The following ADAMTS8 variants were observed in gnomAD, a reference collection of about 807,000 sequenced individuals.
ADAMTS8 encodes ADAM metallopeptidase with thrombospondin type 1 motif 8.
In ADAMTS8, 50 loss-of-function variants were observed where a neutral mutation model predicts 64.4. That is an observed-to-expected ratio of 0.78 (90% CI 0.62 to 0.98). The LOEUF (loss-of-function observed/expected upper bound fraction) is 0.98. Among genes scored for constraint, ADAMTS8 ranks in the 50% least tolerant of loss-of-function variants. The pLI is 0.00. For missense variants in ADAMTS8, 1,192 were observed against 1,208.2 expected (o/e 0.99, Z 0.20); for synonymous variants, 556 against 533.6 (o/e 1.04, Z -0.58).
Position 130,428,329 on chromosome 11 carries a change from C to G in ADAMTS8, c.-43G>C. On this transcript the variant is annotated 5_prime_UTR_variant, in exon 1 of 9. Transcript: ENST00000257359. ...CTGCGCGCAGGAGAGGGAAGAAGCCCGCCAGGCGCGGGCAGGTGCTGGCGG... is the reference window on the plus strand; with the variant it reads ...CTGCGCGCAGGAGAGGGAAGAAGCCGGCCAGGCGCGGGCAGGTGCTGGCGG... The G allele has an allele frequency of 7.9e-7, 1 of 1,260,474 alleles. No homozygotes were observed. Among genetic ancestry groups the G allele is most frequent in the Non-Finnish European group, 1.0e-6 (1 of 993,554 alleles). 78.1% of individuals were successfully genotyped at this position (1,260,474 alleles called of 1,614,324 possible).
intron 1 of ADAMTS8, among the ~76,000 whole-genome samples, chr11:130,422,156 C>T (rs111756153): frequency 2.2e-4 from 34 of 152,240 alleles, no homozygotes; most frequent in African/African-American, 7.7e-4. Context: ...AGATGAACAT[C>T]AGGCCAGTCA....
At chr11:130,418,969 G>C in intron 2 of ADAMTS8, 84 bp downstream of exon 2, 1 of 1,586,244 alleles carries the variant, frequency 6.3e-7, no homozygotes, top group South Asian at 1.1e-5. Flanking sequence ...CGTTTCCCAT[G>C]TTTGGGCAGG....
At chr11:130,406,182 A>G (rs7930976) in intron 8 of ADAMTS8, 54 bp from the exon 9 acceptor site, 130,777 of 1,554,676 alleles carry the variant, frequency 0.084, 6,928 homozygotes, top group African/African-American at 0.21. Context: ...AGCCCAGGTC[A>G]CGATGATGCC....
At chr11:130,422,599 G>GAGA (rs998293639) in intron 1 of ADAMTS8, among the ~76,000 whole-genome samples, 19 of 152,306 alleles carry the variant, frequency 1.2e-4, no homozygotes, top group African/African-American at 4.3e-4. Flanking sequence ...TGGGGGTGTG[G>GAGA]AGATGGAGAA....
At position 130,416,823 on chromosome 11, in the gene ADAMTS8, TAGG is replaced by T; in HGVS notation, c.1096+114_1096+116del. 6.7e-7 allele frequency: 1 copy of T among 1,490,860 alleles called. No homozygotes were observed. The highest frequency in any genetic ancestry group is 9.2e-7 in the Non-Finnish European group (1 of 1,089,198). 92.4% of individuals were successfully genotyped at this position (1,490,860 alleles called of 1,614,324 possible). A position where few individuals can be genotyped will look rare whatever the true frequency, so the allele number is the denominator to read the frequency against. ...TTGTATACAGTCACCCTGTCAAAAT[TAGG>T]AGGAGCTATTCCTAAGCAAGGGCCG... is the stretch of plus-strand genomic sequence containing the variant. On this transcript the variant is annotated intron_variant, in intron 3 of 8. Transcript: ENST00000257359. This position sits in a 1 kb window ranked among gnomAD's most constrained non-coding sequence, Gnocchi z 4.8.
At position 130,419,774 on chromosome 11, in the gene ADAMTS8, C is replaced by T. The variant is rs1163724867; in HGVS notation, c.721-482G>A. On this transcript the variant is annotated intron_variant, in intron 1 of 8. Transcript: ENST00000257359. ...CGTCTCCTTGCCAACCACCCCCACC[C>T]GTCCCCGGCCTCAGCCCAGAAGCAA... is the stretch of plus-strand genomic sequence containing the variant. 2.6e-5 allele frequency among the ~76,000 whole-genome samples: 4 copies of T among 152,318 alleles called. No individual in the cohort carries two copies. In the South Asian group the frequency reaches 6.2e-4, roughly 24 times the overall value.
In ADAMTS8 at chr11:130,428,579, C is replaced by G. The variant is rs528852626; in HGVS notation, c.-293G>C. On this transcript the variant is annotated 5_prime_UTR_variant, in exon 1 of 9. Coordinates refer to ENST00000257359, the MANE Select transcript of ADAMTS8 (RefSeq NM_007037.6). ...GCCCGCGCCAGCCCCGCGCAGCCGC[C>G]TCCTGCCTCCTCCCCACCCCGGGAA... 78 of 343,170 alleles carry G rather than the reference C, an allele frequency of 2.3e-4. No homozygotes were observed. Among genetic ancestry groups the G allele is most frequent in the African/African-American group, 1.7e-3 (78 of 44,922 alleles). 21.3% of individuals were successfully genotyped at this position (343,170 alleles called of 1,614,324 possible). A position where few individuals can be genotyped will look rare whatever the true frequency, so the allele number is the denominator to read the frequency against.
At chr11:130,426,263 C>T (rs1273918823) in intron 1 of ADAMTS8, among the ~76,000 whole-genome samples, 1 of 152,078 alleles carries the variant, frequency 6.6e-6, no homozygotes, top group Non-Finnish European at 1.5e-5. Context: ...CTGGGTCTTT[C>T]CTACCCTGCC....
Position 130,419,095 on chromosome 11 carries a change from G to A in ADAMTS8, c.918C>T (p.Arg306=). The change falls in exon 2 of 9, where the codon CGC becomes CGT. Residue 306 remains arginine (R), a synonymous_variant. Transcript: ENST00000257359. ...WQRRFNQPSD[R]HPEHYDTAIL... ...TGGCCGTGTCGTAGTGCTCTGGGTG[G>A]CGGTCGCTGGGCTGGTTGAAACGCC... is the stretch of plus-strand genomic sequence containing the variant. The A allele has an allele frequency of 1.2e-6, 2 of 1,614,168 alleles. No individual in the cohort carries two copies. The highest frequency in any genetic ancestry group is 1.1e-5 in the South Asian group (1 of 91,088).
chr11:130,406,959 C>T (rs969846745), intron 8 of ADAMTS8, among the ~76,000 whole-genome samples: 4 of 152,290 alleles, frequency 2.6e-5, no homozygotes, highest in Admixed American at 6.5e-5. Flanking sequence ...TAGTTTCAGA[C>T]TCTTAGAGTG....
chr11:130,419,259 G>A lies in ADAMTS8; in HGVS notation c.754C>T (p.Arg252Ter), dbSNP rs764824360. The A allele has an allele frequency of 6.2e-6, 10 of 1,613,784 alleles. No homozygotes were observed. Among genetic ancestry groups the A allele is most frequent in the Admixed American group, 3.3e-5 (2 of 59,986 alleles). ...TTGATGCTGGGGTGCTTGTAGATTC[G>A]GGCTGCCACAGACATTAACGTCAGG... Reference protein sequence around the residue: ...HILTLMSVAARIYKHPSIKNS... With the variant: ...HILTLMSVAA The change falls in exon 2 of 9, where the codon CGA becomes TGA. Residue 252 changes from arginine (R) to a stop codon, truncating the protein, a stop_gained. Coordinates refer to ENST00000257359, the MANE Select transcript of ADAMTS8 (RefSeq NM_007037.6). LOFTEE classifies it high-confidence loss of function.
Position 130,408,411 on chromosome 11 carries a change from A to G in ADAMTS8, c.2099+53T>C. The G allele has an allele frequency of 3.1e-6, 5 of 1,597,088 alleles. No individual in the cohort carries two copies. The South Asian group carries it at 5.6e-5, about 18-fold the overall frequency. On this transcript the variant is annotated intron_variant, in intron 8 of 8. Transcript: ENST00000257359. The stretch of plus-strand genomic sequence containing the variant: ...TCAATTTGGGCCTAGCAGAGTGCAA[A>G]GCCCATTATGCTCTTCTACCAAGCA...
rs1565383082 is a variant in ADAMTS8 at position 130,428,245 on chromosome 11, C to G, written c.42G>C (p.Leu14=). 4 of 1,119,562 alleles carry G rather than the reference C, an allele frequency of 3.6e-6. No individual in the cohort carries two copies. Among genetic ancestry groups the G allele is most frequent in the Non-Finnish European group, 3.3e-6 (3 of 904,850 alleles). 69.4% of individuals were successfully genotyped at this position (1,119,562 alleles called of 1,614,324 possible). The change falls in exon 1 of 9, where the codon CTG becomes CTC. Residue 14 remains leucine (L), a synonymous_variant. Coordinates refer to ENST00000257359, the MANE Select transcript of ADAMTS8 (RefSeq NM_007037.6). ...GCGGCAGCAGCAGCAGCAGCAGCAG[C>G]AGGAGCGGAGGCCACCGGGGGGCGG... ...APAAPRWPPL[L]LLLLLLLPLA...
intron 6 of ADAMTS8, among the ~76,000 whole-genome samples, chr11:130,409,391 C>G (rs1236960459): frequency 6.6e-6 from 1 of 152,150 alleles, no homozygotes; most frequent in East Asian, 1.9e-4. Flanking sequence ...GCCCCTACAC[C>G]CACATTCCGT....
intron 5 of ADAMTS8, among the ~76,000 whole-genome samples, chr11:130,413,933 C>A (rs1452486559): frequency 6.6e-6 from 1 of 152,224 alleles, no homozygotes; most frequent in Non-Finnish European, 1.5e-5. Flanking sequence ...TCTGCACCTG[C>A]ACCAGCCCTG....
intron 1 of ADAMTS8, among the ~76,000 whole-genome samples, chr11:130,424,753 C>T (rs528760698): frequency 5.3e-5 from 8 of 152,252 alleles, no homozygotes; most frequent in South Asian, 2.1e-4. Flanking sequence ...GAGACAGTCA[C>T]GCCTGTCCTG....
Position 130,405,443 on chromosome 11 carries a change from G to T in ADAMTS8, c.*115C>A. 1 of 1,496,008 alleles carries T rather than the reference G, an allele frequency of 6.7e-7. No homozygotes were observed. The highest frequency in any genetic ancestry group is 8.8e-7 in the Non-Finnish European group (1 of 1,131,160). 92.7% of individuals were successfully genotyped at this position (1,496,008 alleles called of 1,614,324 possible). A position where few individuals can be genotyped will look rare whatever the true frequency, so the allele number is the denominator to read the frequency against. The stretch of plus-strand genomic sequence containing the variant: ...AGGGGTTGCGGCAATGGGAGGCCTG[G>T]GTGGGCCGTGCTGCCTTGATATGGC... On this transcript the variant is annotated 3_prime_UTR_variant, in exon 9 of 9. Transcript: ENST00000257359.
At chr11:130,421,318 A>G (rs768793241) in intron 1 of ADAMTS8, among the ~76,000 whole-genome samples, 3 of 152,158 alleles carry the variant, frequency 2.0e-5, no homozygotes, top group Non-Finnish European at 4.4e-5. Flanking sequence ...CTGCTTGAAG[A>G]TCAGGGCAAG....
chr11:130,428,012 C>G lies in ADAMTS8; in HGVS notation c.275G>C (p.Gly92Ala), dbSNP rs1026553275. ...GCAGCCGCGCAGCCCCCGCTCGCCC[C>G]CGGTCGCCCGGCCGGAGCCCCCGAG... ...ERLGGSGRAT[G>A]GERGLRGCFF... The change falls in exon 1 of 9, where the codon GGG (glycine) becomes GCG (alanine). Residue 92 changes from glycine (G) to alanine (A), a missense_variant. Coordinates refer to ENST00000257359, the MANE Select transcript of ADAMTS8 (RefSeq NM_007037.6). 1 of 1,526,090 alleles carries G rather than the reference C, an allele frequency of 6.6e-7. No homozygotes were observed. Among genetic ancestry groups the G allele is most frequent in the Admixed American group, 2.0e-5 (1 of 50,482 alleles). 94.5% of individuals were successfully genotyped at this position (1,526,090 alleles called of 1,614,324 possible).
Sources: gnomAD v4.1 joint callset for allele counts (sites outside exome capture counted in the v4.1 genomes callset) on GRCh38, gnomAD v4.1.1 for gene constraint, Gnocchi (gnomAD v3.1) non-coding constraint, MANE v1.5 for transcripts, NCBI Gene and HGNC (gene_info 2026-07-23, HGNC 2026-07-21) for gene names.